The following TP53INP1 variants were observed in gnomAD, a reference collection of about 807,000 sequenced individuals.
TP53INP1 encodes tumor protein p53 inducible nuclear protein 1.
TP53INP1 carries 12 observed loss-of-function variants against 21.0 expected under a neutral mutation model. The observed-to-expected ratio is 0.57, with a 90% CI of 0.37 to 0.93. TP53INP1 has a LOEUF of 0.93. TP53INP1 is among the 40% of genes least tolerant of loss of function. TP53INP1 has a pLI of 0.01. For synonymous variants in TP53INP1, 91 were observed against 94.8 expected, an observed-to-expected ratio of 0.96 and a Z score of 0.23; for missense variants, 274 against 294.7, an observed-to-expected ratio of 0.93 and a Z score of 0.51.
chr8:94,944,385 A>C (rs1307813750), intron 1 of TP53INP1, among the ~76,000 whole-genome samples: 2 of 152,190 alleles, frequency 1.3e-5, no homozygotes, highest in Non-Finnish European at 2.9e-5. Context: ...CCCACATGCA[A>C]ATTGCCCCCT....
chr8:94,946,689 C>G (rs539198657), intron 1 of TP53INP1, among the ~76,000 whole-genome samples: 6 of 33,984 alleles, frequency 1.8e-4, no homozygotes, highest in Middle Eastern at 0.024. Context: ...AGAGTAAGAC[C>G]CTGTCTCAAA....
At chr8:94,932,541 C>G (rs999516624) in intron 3 of TP53INP1, among the ~76,000 whole-genome samples, 1 of 152,164 alleles carries the variant, frequency 6.6e-6, no homozygotes, top group African/African-American at 2.4e-5. Context: ...CGGTGGCTCA[C>G]GCCTGTAATC....
chr8:94,932,232 ACAT>A, intron 3 of TP53INP1: 1 of 954,740 alleles, frequency 1.0e-6, no homozygotes, highest in Non-Finnish European at 1.6e-6. Context: ...AAAGGCACGT[ACAT>A]GTGCTTAAGA....
At position 94,948,791 on chromosome 8, in the gene TP53INP1, G is replaced by A. The variant is rs545733063; in HGVS notation, c.-151+363C>T. On this transcript the variant is annotated intron_variant, in intron 1 of 3. Transcript: ENST00000342697. Reference sequence around the variant, plus strand: ...GGAGGGGAGTGAGGAGGGGTGAGAGGAGGAGGTCCCGCCGCGGCCAAGAAA... The same window carrying A: ...GGAGGGGAGTGAGGAGGGGTGAGAGAAGGAGGTCCCGCCGCGGCCAAGAAA... Among the ~76,000 whole-genome samples the A allele has an allele frequency of 5.0e-3, 764 of 152,214 alleles. 8 individuals are homozygous for A. The highest frequency in any genetic ancestry group is 5.7e-3 in the Non-Finnish European group (388 of 67,964).
rs1219298266 is a variant in TP53INP1, at chr8:94,930,162, G to C, written c.*317C>G. On this transcript the variant is annotated 3_prime_UTR_variant, in exon 4 of 4. Transcript: ENST00000342697. ...ATGAAAGATGCCTATTCTCGTACTT[G>C]GGAAGAAATGTCTTTAAAATGCTGA... The C allele has an allele frequency of 2.3e-5, 6 of 263,270 alleles. No individual in the cohort carries two copies. Among genetic ancestry groups the C allele is most frequent in the Non-Finnish European group, 4.3e-5 (6 of 138,540 alleles). The allele number at this position is 263,270 out of a possible 1,614,324, so 16.3% of individuals were successfully genotyped here.
chr8:94,947,276 A>G (rs372518785), intron 1 of TP53INP1, among the ~76,000 whole-genome samples: 762 of 73,570 alleles, frequency 0.01, 6 homozygotes, highest in African/African-American at 0.023. Context: ...GGCGGCTCCA[A>G]AAAATATTAA....
chr8:94,933,476 A>G (rs752328953), intron 3 of TP53INP1, among the ~76,000 whole-genome samples: 1 of 152,112 alleles, frequency 6.6e-6, no homozygotes, highest in South Asian at 2.1e-4. Flanking sequence ...ATAAAATAGT[A>G]TATCTGGGCC....
Position 94,927,806 on chromosome 8 carries a change from T to A in TP53INP1, c.*2673A>T, listed in dbSNP as rs533212435. The stretch of plus-strand genomic sequence containing the variant: ...CAGACTTTTTCCAAGTAACATTCTA[T>A]GTTAACAGTTTAGAGCTACTAATTC... On this transcript the variant is annotated 3_prime_UTR_variant, in exon 4 of 4. Coordinates refer to ENST00000342697, the MANE Select transcript of TP53INP1 (RefSeq NM_033285.4). 7.2e-5 allele frequency: 11 copies of A among 152,724 alleles called. No individual in the cohort carries two copies. Among genetic ancestry groups the A allele is most frequent in the Admixed American group, 2.0e-4 (3 of 15,288 alleles). The allele number at this position is 152,724 out of a possible 1,614,324, so 9.5% of individuals were successfully genotyped here.
In TP53INP1 at chr8:94,928,882, C is replaced by T. The variant is rs937105802; in HGVS notation, c.*1597G>A. On this transcript the variant is annotated 3_prime_UTR_variant, in exon 4 of 4. Transcript: ENST00000342697. Reference sequence around the variant, plus strand: ...TGAAAACATTTTGTAGACCTGTACTCATTTAATTAGGGTTGCAGAGGAGAT... The same window carrying T: ...TGAAAACATTTTGTAGACCTGTACTTATTTAATTAGGGTTGCAGAGGAGAT... The T allele has an allele frequency of 5.9e-5, 9 of 152,564 alleles. No homozygotes were observed. Among genetic ancestry groups the T allele is most frequent in the African/African-American group, 2.2e-4 (9 of 41,420 alleles). 9.5% of individuals were successfully genotyped at this position (152,564 alleles called of 1,614,324 possible). A position where few individuals can be genotyped will look rare whatever the true frequency, so the allele number is the denominator to read the frequency against.
rs1820017325 is a variant in TP53INP1, at chr8:94,927,678, T to C, written c.*2801A>G. On this transcript the variant is annotated 3_prime_UTR_variant, in exon 4 of 4. Coordinates refer to ENST00000342697, the MANE Select transcript of TP53INP1 (RefSeq NM_033285.4). ...AAAAAAAATAAACATAAGATATATA[T>C]TATAAAATGTTTTGTCAACAAAAAC... 6.6e-6 allele frequency: 1 copy of C among 152,092 alleles called. No homozygotes were observed. 9.4% of individuals were successfully genotyped at this position (152,092 alleles called of 1,614,324 possible).
At chr8:94,945,258 G>T (rs1438474506) in intron 1 of TP53INP1, among the ~76,000 whole-genome samples, 1 of 152,092 alleles carries the variant, frequency 6.6e-6, no homozygotes, top group Non-Finnish European at 1.5e-5. Flanking sequence ...TATCTGAATT[G>T]AGATGTGCTG....
At chr8:94,933,834 T>TGG (rs572867137) in intron 3 of TP53INP1, among the ~76,000 whole-genome samples, 9,670 of 58,096 alleles carry the variant, frequency 0.17, 2,407 homozygotes, top group Non-Finnish European at 0.25. Context: ...CAGCACTTTG[T>TGG]GGGGGGGGGG....
At chr8:94,941,527 C>CGTA (rs1276436077) in intron 1 of TP53INP1, among the ~76,000 whole-genome samples, 3 of 152,222 alleles carry the variant, frequency 2.0e-5, no homozygotes, top group African/African-American at 7.2e-5. Flanking sequence ...CTCTTCTACT[C>CGTA]TGTACTTCTT....
Position 94,929,504 on chromosome 8 carries a change from ACT to A in TP53INP1, c.*973_*974del, listed in dbSNP as rs1423308866. The A allele has an allele frequency of 2.0e-5, 3 of 151,598 alleles. No individual in the cohort carries two copies. The highest frequency in any genetic ancestry group is 6.6e-5 in the Admixed American group (1 of 15,218). The allele number at this position is 151,598 out of a possible 1,614,324, so 9.4% of individuals were successfully genotyped here. A position where few individuals can be genotyped will look rare whatever the true frequency, so the allele number is the denominator to read the frequency against. On this transcript the variant is annotated 3_prime_UTR_variant, in exon 4 of 4. Coordinates refer to ENST00000342697, the MANE Select transcript of TP53INP1 (RefSeq NM_033285.4). The stretch of plus-strand genomic sequence containing the variant: ...GACATCATCACCAGACAGTCCCCAC[ACT>A]CTTGCCACTTGGCAGGACAGGCTCC...
intron 3 of TP53INP1, among the ~76,000 whole-genome samples, chr8:94,932,451 T>C (rs1820504526): frequency 6.6e-6 from 1 of 152,254 alleles, no homozygotes; most frequent in African/African-American, 2.4e-5. Context: ...ACTACAAAGC[T>C]AGCCTAATTT....
chr8:94,934,476 C>T (rs2131334544), intron 3 of TP53INP1, among the ~76,000 whole-genome samples: 1 of 151,886 alleles, frequency 6.6e-6, no homozygotes, highest in East Asian at 1.9e-4. Flanking sequence ...ACCTCTGCCT[C>T]CCGGGTTCAA....
At position 94,941,530 on chromosome 8, in the gene TP53INP1, T is replaced by C. The variant is rs74975638; in HGVS notation, c.-150-439A>G. ...CTGGCTCATTTTCTCTTCTACTCTGTACTTCTTGTCTATAACTGTAAGCAC... is the reference window on the plus strand; with the variant it reads ...CTGGCTCATTTTCTCTTCTACTCTGCACTTCTTGTCTATAACTGTAAGCAC... On this transcript the variant is annotated intron_variant, in intron 1 of 3. Coordinates refer to ENST00000342697, the MANE Select transcript of TP53INP1 (RefSeq NM_033285.4). 1.9e-3 allele frequency among the ~76,000 whole-genome samples: 284 copies of C among 152,356 alleles called. 3 individuals carry two copies. The highest frequency in any genetic ancestry group is 0.016 in the East Asian group (84 of 5,192).
intron 3 of TP53INP1, among the ~76,000 whole-genome samples, chr8:94,931,369 T>C (rs1820374840): frequency 6.6e-6 from 1 of 152,178 alleles, no homozygotes. Flanking sequence ...TGAGATGGTA[T>C]TTACATGGCA....
intron 3 of TP53INP1, among the ~76,000 whole-genome samples, chr8:94,931,275 A>G (rs890356037): frequency 2.0e-5 from 3 of 152,166 alleles, no homozygotes; most frequent in African/African-American, 7.2e-5. Context: ...AATTCTACTC[A>G]TTTGCCATTT....
Sources: allele counts gnomAD v4.1 joint callset (sites outside exome capture counted in the v4.1 genomes callset), GRCh38; gene constraint gnomAD v4.1.1; transcripts MANE v1.5; gene names NCBI Gene and HGNC (gene_info 2026-07-23, HGNC 2026-07-21).